Variants in NCAM1 observed in about 807,000 individuals in gnomAD.
NCAM1 encodes the protein neural cell adhesion molecule 1, also known as antigen recognized by monoclonal antibody 5.1H11.
NCAM1 carries 14 observed loss-of-function variants against 109.8 expected under a neutral mutation model. The ratio of observed to expected loss-of-function variants is 0.13; its 90% CI spans 0.08 to 0.20. The LOEUF (loss-of-function observed/expected upper bound fraction) is 0.20, where lower values mean the gene tolerates loss of function less well. NCAM1 is among the 10% of genes least tolerant of loss of function. NCAM1 has a pLI of 1.00. For missense variants in NCAM1, 774 were observed against 1,109.9 expected (o/e 0.70, Z 4.30); for synonymous variants, 418 against 442.9 (o/e 0.94, Z 0.70).
intron 1 of NCAM1, among the ~76,000 whole-genome samples, chr11:112,977,824 T>C (rs1401064043): frequency 2.0e-5 from 3 of 151,880 alleles, no homozygotes; most frequent in African/African-American, 7.2e-5. Context: ...TCTTTGCATA[T>C]TAATCACTCT....
At position 113,277,480 on chromosome 11, in the gene NCAM1, C is replaced by T. The variant is rs970674492; in HGVS notation, c.*2093C>T. 91 of 398,864 alleles carry T rather than the reference C, an allele frequency of 2.3e-4. No individual in the cohort carries two copies. Among genetic ancestry groups the T allele is most frequent in the Admixed American group, 4.4e-5 (1 of 22,708 alleles). The allele number at this position is 398,864 out of a possible 1,614,324, so 24.7% of individuals were successfully genotyped here. On this transcript the variant is annotated 3_prime_UTR_variant, in exon 20 of 20. Coordinates refer to ENST00000316851, the MANE Select transcript of NCAM1 (RefSeq NM_181351.5). ...GAACATGAAGAGAGATCTTAGAGCACACAGTAGAATGTGAGAGCCTGGGTG... is the reference window on the plus strand; with the variant it reads ...GAACATGAAGAGAGATCTTAGAGCATACAGTAGAATGTGAGAGCCTGGGTG...
chr11:113,056,514 T>C (rs1391515142), intron 1 of NCAM1, among the ~76,000 whole-genome samples: 3 of 152,172 alleles, frequency 2.0e-5, no homozygotes, highest in Non-Finnish European at 4.4e-5. Context: ...GTACAACTAT[T>C]ATATATCAAT....
intron 1 of NCAM1, among the ~76,000 whole-genome samples, chr11:113,120,665 C>T (rs1216613694): frequency 6.6e-6 from 1 of 152,158 alleles, no homozygotes; most frequent in African/African-American, 2.4e-5. Context: ...TTCTCCTCAT[C>T]ATAAGGGATC....
intron 1 of NCAM1, among the ~76,000 whole-genome samples, chr11:113,026,430 C>A (rs1397651843): frequency 6.6e-6 from 1 of 152,190 alleles, no homozygotes; most frequent in East Asian, 1.9e-4. Flanking sequence ...GTGCTGACTT[C>A]CCTGCATGCC....
chr11:113,011,795 A>G (rs1418394685), intron 1 of NCAM1, among the ~76,000 whole-genome samples: 2 of 152,194 alleles, frequency 1.3e-5, no homozygotes, highest in African/African-American at 4.8e-5. Context: ...CAACACTGTC[A>G]ATGTCTTGAA....
intron 1 of NCAM1, among the ~76,000 whole-genome samples, chr11:113,103,658 G>A (rs1158237295): frequency 6.6e-6 from 1 of 152,162 alleles, no homozygotes; most frequent in African/African-American, 2.4e-5. Context: ...GATTTGGGAT[G>A]AAATGTCCAC....
chr11:113,169,932 G>C (rs1942938044), intron 1 of NCAM1, among the ~76,000 whole-genome samples: 1 of 152,042 alleles, frequency 6.6e-6, no homozygotes, highest in African/African-American at 2.4e-5. Context: ...TTGTTTGTTT[G>C]ACTGATTCTT....
intron 1 of NCAM1, among the ~76,000 whole-genome samples, chr11:113,201,102 T>C (rs1446585757): frequency 1.3e-5 from 2 of 152,154 alleles, no homozygotes; most frequent in Non-Finnish European, 2.9e-5. Context: ...TCTTTCTCTC[T>C]GAAGCCTCTG....
intron 1 of NCAM1, among the ~76,000 whole-genome samples, chr11:113,112,679 T>C (rs149860950): frequency 6.6e-4 from 100 of 152,336 alleles, no homozygotes; most frequent in African/African-American, 2.2e-3. Context: ...AGTGTCTTCA[T>C]TGGTCTTGCT....
intron 14 of NCAM1, 21 bp from the exon 15 acceptor site, chr11:113,246,347 G>C: frequency 1.4e-6 from 1 of 739,958 alleles, no homozygotes; most frequent in South Asian, 1.4e-5. Flanking sequence ...TGCTGATGAT[G>C]TCGTCCACGC....
chr11:113,133,333 T>G (rs1941477063), intron 1 of NCAM1: 1 of 152,254 alleles, frequency 6.6e-6, no homozygotes, highest in Admixed American at 6.5e-5. Context: ...TCCAAGGACG[T>G]AATCTGACTG....
chr11:113,215,954 G>GTGAC (rs1176327516), intron 8 of NCAM1, among the ~76,000 whole-genome samples: 1 of 152,184 alleles, frequency 6.6e-6, no homozygotes, highest in African/African-American at 2.4e-5. Context: ...TTTGTCCAGA[G>GTGAC]TGACCCAGTG....
chr11:113,226,194 C>T (rs531119367), intron 9 of NCAM1, among the ~76,000 whole-genome samples: 33 of 152,308 alleles, frequency 2.2e-4, no homozygotes, highest in Admixed American at 1.5e-3. Context: ...ACCCTTCTCA[C>T]GTGCAGAGAC....
chr11:113,190,341 C>G (rs1943639478), intron 1 of NCAM1, among the ~76,000 whole-genome samples: 1 of 152,162 alleles, frequency 6.6e-6, no homozygotes. Flanking sequence ...GGACTGTTAA[C>G]TAACTGAGAA....
intron 19 of NCAM1, 95 bp from the exon 20 acceptor site, chr11:113,275,172 C>A: frequency 6.7e-7 from 1 of 1,497,814 alleles, no homozygotes; most frequent in Non-Finnish European, 9.0e-7. Context: ...ACTGGAGAAC[C>A]CCTCCTCCTC....
rs1338032828 is a variant in NCAM1, at chr11:113,276,944, A to G, written c.*1557A>G. On this transcript the variant is annotated 3_prime_UTR_variant, in exon 20 of 20. Transcript: ENST00000316851. ...TGCACTGTGGATGCGTGAATATTTT[A>G]GTGTGAAACGTGTTTTTGTCATAGT... The G allele has an allele frequency of 6.2e-6, 1 of 160,322 alleles. No homozygotes were observed. The highest frequency in any genetic ancestry group is 1.4e-5 in the Non-Finnish European group (1 of 73,270). 9.9% of individuals were successfully genotyped at this position (160,322 alleles called of 1,614,324 possible).
chr11:113,155,118 T>C (rs1421296422), intron 1 of NCAM1, among the ~76,000 whole-genome samples: 1 of 152,056 alleles, frequency 6.6e-6, no homozygotes, highest in African/African-American at 2.4e-5. Context: ...ATTAGATGGC[T>C]CCATAACATC....
intron 1 of NCAM1, among the ~76,000 whole-genome samples, chr11:113,032,611 G>C (rs1687602377): frequency 6.6e-6 from 1 of 152,176 alleles, no homozygotes; most frequent in Non-Finnish European, 1.5e-5. Context: ...AGTGGGGTTT[G>C]GTGAGCATCG....
At chr11:113,077,606 C>T (rs1480299020) in intron 1 of NCAM1, among the ~76,000 whole-genome samples, 1 of 152,086 alleles carries the variant, frequency 6.6e-6, no homozygotes, top group Non-Finnish European at 1.5e-5. Context: ...TTGTTGAATT[C>T]ACCTTTTCCT....
Sources: allele counts gnomAD v4.1 joint callset (sites outside exome capture counted in the v4.1 genomes callset), GRCh38; gene constraint gnomAD v4.1.1; transcripts MANE v1.5; gene names NCBI Gene and HGNC (gene_info 2026-07-23, HGNC 2026-07-21).